The following XKR6 variants were observed in gnomAD, a reference collection of about 807,000 sequenced individuals.
XKR6 encodes the protein XK-related protein 6.
A neutral mutation model predicts 56.7 loss-of-function variants in XKR6; 22 were observed. That is an observed-to-expected ratio of 0.39 (90% CI 0.28 to 0.55). XKR6 has a LOEUF of 0.55. XKR6 is among the 20% of genes least tolerant of loss of function. The pLI is 0.66. For synonymous variants in XKR6, 524 were observed against 387.8 expected, an observed-to-expected ratio of 1.35 and a Z score of -4.13; for missense variants, 852 against 889.0, an observed-to-expected ratio of 0.96 and a Z score of 0.53.
intron 1 of XKR6, chr8:11,113,902 T>C (rs1173753300): frequency 8.3e-6 from 2 of 239,556 alleles, no homozygotes; most frequent in Non-Finnish European, 1.7e-5. Flanking sequence ...ATGTTTTTAA[T>C]CTTGAAGAGG....
At chr8:11,025,485 G>C (rs1446191147) in intron 1 of XKR6, among the ~76,000 whole-genome samples, 2 of 152,192 alleles carry the variant, frequency 1.3e-5, no homozygotes, top group African/African-American at 2.4e-5. Flanking sequence ...GAGGAAGCCA[G>C]AGACACATAC....
At chr8:10,938,604 G>A (rs1170180244) in intron 1 of XKR6, among the ~76,000 whole-genome samples, 2 of 152,220 alleles carry the variant, frequency 1.3e-5, no homozygotes, top group Admixed American at 6.5e-5. Context: ...TGTCTCGATA[G>A]TTATATACAG....
In XKR6 at chr8:11,100,341, C is replaced by T. The variant is rs191318283; in HGVS notation, c.764+100235G>A. On this transcript the variant is annotated intron_variant, in intron 1 of 2. Coordinates refer to ENST00000416569, the MANE Select transcript of XKR6 (RefSeq NM_173683.4). ...AAGTGCTGGGATTACAAGTGTGAGCCAATCCACTTGGCCTCATTTTTAAAA... is the reference window on the plus strand; with the variant it reads ...AAGTGCTGGGATTACAAGTGTGAGCTAATCCACTTGGCCTCATTTTTAAAA... 4.6e-5 allele frequency among the ~76,000 whole-genome samples: 7 copies of T among 152,298 alleles called. No homozygotes were observed. The East Asian group carries it at 1.2e-3, about 25-fold the overall frequency.
chr8:11,038,657 C>G (rs988211716), intron 1 of XKR6, among the ~76,000 whole-genome samples: 1 of 151,976 alleles, frequency 6.6e-6, no homozygotes, highest in African/African-American at 2.4e-5. Flanking sequence ...GCCTCAGCCT[C>G]CTGAGTAGTT....
rs189670325 is a variant in XKR6, at chr8:11,143,969, C to G, written c.764+56607G>C. On this transcript the variant is annotated intron_variant, in intron 1 of 2. Coordinates refer to ENST00000416569, the MANE Select transcript of XKR6 (RefSeq NM_173683.4). ...AACAGCCACCTTCTCCCTTTGTCCT[C>G]ACAGGGCCTTTCCTCTGTGCATGTG... is the stretch of plus-strand genomic sequence containing the variant. 2.0e-3 allele frequency among the ~76,000 whole-genome samples: 307 copies of G among 152,258 alleles called. 3 individuals carry two copies. The highest frequency in any genetic ancestry group is 7.1e-3 in the African/African-American group (296 of 41,544).
chr8:11,150,082 G>T (rs1420112457), intron 1 of XKR6, among the ~76,000 whole-genome samples: 2 of 152,172 alleles, frequency 1.3e-5, no homozygotes, highest in Non-Finnish European at 2.9e-5. Context: ...GTTGGGTGGG[G>T]GAGAGGGCTG....
At chr8:11,060,647 T>C (rs965423059) in intron 1 of XKR6, among the ~76,000 whole-genome samples, 6 of 152,198 alleles carry the variant, frequency 3.9e-5, no homozygotes, top group African/African-American at 1.4e-4. Flanking sequence ...GAGCTCGCAG[T>C]CTAGAAGGGG....
intron 1 of XKR6, among the ~76,000 whole-genome samples, chr8:11,071,979 C>T (rs1363478622): frequency 6.6e-6 from 1 of 151,992 alleles, no homozygotes; most frequent in African/African-American, 2.4e-5. Flanking sequence ...TATACAAACA[C>T]ACAGCCAAGA....
intron 1 of XKR6, among the ~76,000 whole-genome samples, chr8:11,005,904 C>T (rs368247203): frequency 2.2e-5 from 3 of 137,650 alleles, no homozygotes; most frequent in Non-Finnish European, 4.5e-5. Context: ...AGCATAGTGG[C>T]ACATTCTCAG....
intron 1 of XKR6, among the ~76,000 whole-genome samples, chr8:10,993,988 A>G (rs1388442037): frequency 6.6e-6 from 1 of 152,188 alleles, no homozygotes; most frequent in African/African-American, 2.4e-5. Context: ...CCCTATCATG[A>G]GGCCTATATC....
intron 1 of XKR6, among the ~76,000 whole-genome samples, chr8:11,157,868 C>A (rs1037865224): frequency 6.6e-6 from 1 of 152,080 alleles, no homozygotes; most frequent in Non-Finnish European, 1.5e-5. Flanking sequence ...TCTGAGATTC[C>A]CAGTTTCCAA....
At chr8:11,141,931 G>A (rs985792679) in intron 1 of XKR6, among the ~76,000 whole-genome samples, 1 of 151,250 alleles carries the variant, frequency 6.6e-6, no homozygotes, top group East Asian at 1.9e-4. Context: ...CTGGTAACTG[G>A]TTATAGGGAT....
intron 1 of XKR6, chr8:11,104,557 C>T (rs904494373): frequency 6.6e-6 from 1 of 152,098 alleles, no homozygotes; most frequent in Admixed American, 6.5e-5. Flanking sequence ...TCCTTCAGGG[C>T]GCTTTTGTGC....
At chr8:11,091,418 C>T (rs1239238085) in intron 1 of XKR6, among the ~76,000 whole-genome samples, 1 of 148,626 alleles carries the variant, frequency 6.7e-6, no homozygotes, top group Admixed American at 6.6e-5. Context: ...GTCTGGGCAA[C>T]AGAATGAGAC....
chr8:11,166,233 C>T (rs1445459675), intron 1 of XKR6, among the ~76,000 whole-genome samples: 2 of 152,152 alleles, frequency 1.3e-5, no homozygotes, highest in Non-Finnish European at 2.9e-5. Flanking sequence ...GAAGATGTTA[C>T]TATAAAGTTG....
At chr8:10,993,084 G>A (rs1171617166) in intron 1 of XKR6, among the ~76,000 whole-genome samples, 1 of 152,242 alleles carries the variant, frequency 6.6e-6, no homozygotes, top group East Asian at 1.9e-4. Flanking sequence ...ATATGTGTGT[G>A]TATCTACATT....
At chr8:11,079,949 C>T (rs1797660820) in intron 1 of XKR6, among the ~76,000 whole-genome samples, 1 of 152,082 alleles carries the variant, frequency 6.6e-6, no homozygotes, top group South Asian at 2.1e-4. Context: ...ACCTGGGCAA[C>T]AGAGTGAGAC....
chr8:10,937,853 C>A (rs556811155), intron 1 of XKR6, among the ~76,000 whole-genome samples: 2 of 151,266 alleles, frequency 1.3e-5, no homozygotes, highest in Non-Finnish European at 1.5e-5. Flanking sequence ...GCTGTCTTTT[C>A]GTTTGTCTGT....
At chr8:10,958,166 T>C (rs926652175) in intron 1 of XKR6, among the ~76,000 whole-genome samples, 20 of 152,122 alleles carry the variant, frequency 1.3e-4, no homozygotes, top group Non-Finnish European at 2.1e-4. Flanking sequence ...AATCTCAAAA[T>C]AGTCTTCAAA....
Sources: allele counts gnomAD v4.1 joint callset (sites outside exome capture counted in the v4.1 genomes callset), GRCh38; gene constraint gnomAD v4.1.1; transcripts MANE v1.5; gene names NCBI Gene and HGNC (gene_info 2026-07-23, HGNC 2026-07-21).